The following CFAP210 variants were observed in gnomAD, a reference collection of about 807,000 sequenced individuals.
CFAP210 encodes cilia- and flagella- associated protein 210.
At chr2:169,689,431 T>C in the CFAP210 span, among the ~76,000 whole-genome samples, 61 of 152,364 alleles carry the variant, frequency 4.0e-4, 1 homozygote, top group Admixed American at 2.9e-3. Context: ...AGATTCTTCA[T>C]TGCAAGTGTA....
the CFAP210 span, among the ~76,000 whole-genome samples, chr2:169,683,534 C>T: frequency 6.6e-6 from 1 of 152,198 alleles, no homozygotes. Flanking sequence ...AATTGCTAGG[C>T]ATGTTAATAT....
At chr2:169,689,735 C>T in the CFAP210 span, among the ~76,000 whole-genome samples, 43 of 152,268 alleles carry the variant, frequency 2.8e-4, no homozygotes, top group African/African-American at 9.9e-4. Flanking sequence ...TAGCTATGGG[C>T]TTTTCATAGG....
At chr2:169,673,421 A>G in the CFAP210 span, among the ~76,000 whole-genome samples, 53 of 152,310 alleles carry the variant, frequency 3.5e-4, no homozygotes, top group African/African-American at 1.2e-3. Flanking sequence ...CCTAACTTGC[A>G]CAAACCTTTA....
the CFAP210 span, among the ~76,000 whole-genome samples, chr2:169,665,782 T>C: frequency 1.3e-5 from 2 of 152,058 alleles, no homozygotes; most frequent in Non-Finnish European, 2.9e-5. Flanking sequence ...TACAGGAAGA[T>C]TGTGAATTAT....
the CFAP210 span, among the ~76,000 whole-genome samples, chr2:169,653,066 A>ATATATGTG: frequency 1.0e-5 from 1 of 95,934 alleles, no homozygotes; most frequent in Non-Finnish European, 2.0e-5. Flanking sequence ...ATATATATAT[A>ATATATGTG]TGTATGTGTG....
chr2:169,674,352 G>A, the CFAP210 span, among the ~76,000 whole-genome samples: 1 of 151,866 alleles, frequency 6.6e-6, no homozygotes, highest in African/African-American at 2.4e-5. Flanking sequence ...TGTTTTTTTT[G>A]CATGCCACTA....
the CFAP210 span, chr2:169,658,782 C>A: frequency 6.7e-6 from 2 of 297,806 alleles, no homozygotes; most frequent in South Asian, 6.7e-5. Flanking sequence ...TATTGTGTAC[C>A]GGAGAGCATT....
the CFAP210 span, chr2:169,646,007 T>C: frequency 6.2e-7 from 1 of 1,614,000 alleles, no homozygotes; most frequent in South Asian, 1.1e-5. Context: ...AGGTCCTTCC[T>C]GTACAGCTTT....
At chr2:169,679,155 C>A in the CFAP210 span, among the ~76,000 whole-genome samples, 1 of 152,132 alleles carries the variant, frequency 6.6e-6, no homozygotes, top group Non-Finnish European at 1.5e-5. Context: ...AAAATCAATA[C>A]CTCATTGCAT....
the CFAP210 span, chr2:169,662,565 A>C: frequency 3.8e-6 from 3 of 788,072 alleles, no homozygotes; most frequent in Non-Finnish European, 5.8e-6. Flanking sequence ...TCTTTGGGGG[A>C]AAAGAACAGA....
chr2:169,645,891 G>A, the CFAP210 span: 145,580 of 1,611,798 alleles, frequency 0.09, 7,195 homozygotes, highest in Middle Eastern at 0.18. Flanking sequence ...TTATATTTTG[G>A]TCCCTGAGAG....
the CFAP210 span, chr2:169,645,861 T>A: frequency 5.6e-6 from 9 of 1,611,618 alleles, no homozygotes; most frequent in East Asian, 6.7e-5. Context: ...AAACCTAGCC[T>A]TCTCTTTGAC....
the CFAP210 span, among the ~76,000 whole-genome samples, chr2:169,678,840 A>T: frequency 0.15 from 22,171 of 151,710 alleles, 1,732 homozygotes; most frequent in Non-Finnish European, 0.18. Context: ...AAATAAAAAT[A>T]AAATAAAAAA....
chr2:169,677,413 C>T, the CFAP210 span, among the ~76,000 whole-genome samples: 1 of 152,128 alleles, frequency 6.6e-6, no homozygotes, highest in African/African-American at 2.4e-5. Context: ...ATTTAAAAAT[C>T]AATCAGTGTA....
the CFAP210 span, among the ~76,000 whole-genome samples, chr2:169,665,081 T>C: frequency 6.6e-6 from 1 of 152,130 alleles, no homozygotes; most frequent in Non-Finnish European, 1.5e-5. Flanking sequence ...GAAGTGGGAC[T>C]GAGGAAAAGT....
At chr2:169,649,376 A>G in the CFAP210 span, 1 of 1,585,784 alleles carries the variant, frequency 6.3e-7, no homozygotes, top group Non-Finnish European at 8.6e-7. Context: ...GGAAACATAT[A>G]AAACCAGTTA....
At chr2:169,649,145 A>G in the CFAP210 span, 1 of 1,525,042 alleles carries the variant, frequency 6.6e-7, no homozygotes, top group Non-Finnish European at 8.9e-7. Flanking sequence ...TTATATACTT[A>G]TTACTAACAT....
the CFAP210 span, chr2:169,674,736 G>A: frequency 3.6e-5 from 58 of 1,593,306 alleles, no homozygotes; most frequent in Admixed American, 7.1e-4. Flanking sequence ...TGGGCATCAC[G>A]TTCTTTCATA....
chr2:169,694,187 G>A, the CFAP210 span: 1 of 1,441,288 alleles, frequency 6.9e-7, no homozygotes, highest in Non-Finnish European at 9.8e-7. Flanking sequence ...GCCCTCATTC[G>A]GCATCCTCGC....
Sources: allele counts gnomAD v4.1 joint callset (sites outside exome capture counted in the v4.1 genomes callset), GRCh38; gene constraint gnomAD v4.1.1; transcripts MANE v1.5; gene names NCBI Gene and HGNC (gene_info 2026-07-23, HGNC 2026-07-21).